Variants in SLC4A5 observed in about 807,000 individuals in gnomAD.
The protein encoded by SLC4A5 is electrogenic sodium bicarbonate cotransporter 4.
Under a neutral mutation model 120.4 loss-of-function variants are expected in SLC4A5, and 96 were observed. The observed-to-expected ratio is 0.80, with a 90% confidence interval of 0.68 to 0.94. The LOEUF (loss-of-function observed/expected upper bound fraction) is 0.94, where lower values mean the gene tolerates loss of function less well. Ranked by LOEUF, SLC4A5 falls within the 40% of genes least tolerant of loss-of-function variation. The probability of loss-of-function intolerance (pLI) is 0.00; values close to 1 mark genes in which losing one functional copy is unlikely to be tolerated. For synonymous variants in SLC4A5, 550 were observed against 571.1 expected (o/e 0.96, Z 0.53); for missense variants, 1,259 against 1,459.5 (o/e 0.86, Z 2.24).
At chr2:74,317,760 AG>A (rs756329331) in intron 5 of SLC4A5, among the ~76,000 whole-genome samples, 26 of 152,256 alleles carry the variant, frequency 1.7e-4, no homozygotes, top group Admixed American at 6.5e-4. Flanking sequence ...TAGGCCCTCC[AG>A]GCAGGACATT....
chr2:74,310,263 C>T (rs1672765673), intron 6 of SLC4A5, among the ~76,000 whole-genome samples: 1 of 152,104 alleles, frequency 6.6e-6, no homozygotes, highest in South Asian at 2.1e-4. Context: ...TGTTTTATTT[C>T]TTCTTTCCCA....
Position 74,305,872 on chromosome 2 carries a change from G to A in SLC4A5, c.80-1192C>T, listed in dbSNP as rs371157936. On this transcript the variant is annotated intron_variant, in intron 6 of 30. Coordinates refer to ENST00000394019, the Ensembl canonical transcript of SLC4A5. ...CCCAAGTAGCTGGGATTACAGGCAC[G>A]CACCACCATGCCTGGCTAATTTTTT... 1.4e-3 allele frequency among the ~76,000 whole-genome samples: 211 copies of A among 151,920 alleles called. 2 individuals carry two copies. The highest frequency in any genetic ancestry group is 4.9e-3 in the African/African-American group (201 of 41,416).
intron 14 of SLC4A5, among the ~76,000 whole-genome samples, chr2:74,253,582 A>T (rs912906207): frequency 6.6e-6 from 1 of 152,084 alleles, no homozygotes; most frequent in Non-Finnish European, 1.5e-5. Flanking sequence ...GACTATGCTC[A>T]CATTTAACCC....
intron 12 of SLC4A5, among the ~76,000 whole-genome samples, chr2:74,256,869 G>T (rs530658331): frequency 1.3e-5 from 2 of 152,256 alleles, no homozygotes; most frequent in Non-Finnish European, 2.9e-5. Context: ...TTGGGGTAGC[G>T]GCAGGACTGG....
intron 8 of SLC4A5, among the ~76,000 whole-genome samples, chr2:74,281,062 A>G (rs1671798630): frequency 6.6e-6 from 1 of 152,222 alleles, no homozygotes; most frequent in African/African-American, 2.4e-5. Flanking sequence ...ATGGAGTGAG[A>G]GCATCCCTGC....
rs1431623491 is a variant in SLC4A5 at position 74,244,466 on chromosome 2, TTC to T, written c.2060-2416_2060-2415del. On this transcript the variant is annotated intron_variant, in intron 19 of 30. Coordinates refer to ENST00000394019, the Ensembl canonical transcript of SLC4A5. ...CTTTCTTTTCTTTCCTTCCTTTTCT[TTC>T]TCTTTCTTTCTTCTCCTTTCTCTCT... 1.2e-4 allele frequency among the ~76,000 whole-genome samples: 8 copies of T among 69,436 alleles called. No homozygotes were observed. The East Asian group carries it at 1.4e-3, about 12-fold the overall frequency. 45.6% of individuals were successfully genotyped at this position (69,436 alleles called of 152,430 possible). A position where few individuals can be genotyped will look rare whatever the true frequency, so the allele number is the denominator to read the frequency against.
intron 25 of SLC4A5, among the ~76,000 whole-genome samples, chr2:74,230,899 C>A (rs370336052): frequency 4.6e-5 from 7 of 152,132 alleles, no homozygotes; most frequent in East Asian, 1.9e-4. Flanking sequence ...CTCCACCTCC[C>A]GGGTTCAAGC....
chr2:74,262,061 C>T lies in SLC4A5; in HGVS notation c.811+76G>A, dbSNP rs547259311. ...CAGATCCTGGGCTTTGTCTCCCCCA[C>T]CTATGGCAATGTGGCCATGTCACAG... is the stretch of plus-strand genomic sequence containing the variant. On this transcript the variant is annotated intron_variant, in intron 11 of 30. Coordinates refer to ENST00000394019, the Ensembl canonical transcript of SLC4A5. 3.7e-5 allele frequency: 50 copies of T among 1,363,916 alleles called. No homozygotes were observed. The East Asian group carries it at 9.3e-4, about 25-fold the overall frequency. The allele number at this position is 1,363,916 out of a possible 1,614,324, so 84.5% of individuals were successfully genotyped here. A position where few individuals can be genotyped will look rare whatever the true frequency, so the allele number is the denominator to read the frequency against.
intron 14 of SLC4A5, among the ~76,000 whole-genome samples, 165 bp downstream of exon 14, chr2:74,254,454 G>T (rs930088047): frequency 9.9e-5 from 15 of 152,184 alleles, no homozygotes; most frequent in African/African-American, 3.4e-4. Flanking sequence ...TTCTCCTAAA[G>T]GACAATGACT....
At chr2:74,327,003 C>A (rs1017204967) in intron 5 of SLC4A5, among the ~76,000 whole-genome samples, 1 of 152,172 alleles carries the variant, frequency 6.6e-6, no homozygotes, top group Non-Finnish European at 1.5e-5. Context: ...TAGGTGCCCA[C>A]CCCTTCCCTA....
Position 74,334,763 on chromosome 2 carries a change from GA to G in SLC4A5, c.-220-587del, listed in dbSNP as rs200477728. Among the ~76,000 whole-genome samples the G allele has an allele frequency of 6.0e-5, 9 of 150,676 alleles. No individual in the cohort carries two copies. In the East Asian group the frequency reaches 1.2e-3, roughly 19 times the overall value. On this transcript the variant is annotated intron_variant, in intron 3 of 30. Coordinates refer to ENST00000394019, the Ensembl canonical transcript of SLC4A5. ...TTTTTTCACTGCAATTTCCTCAACT[GA>G]AAAAAAATGCGAATAATAATTATAT...
intron 7 of SLC4A5, among the ~76,000 whole-genome samples, chr2:74,303,270 TGTAGAGGG>T (rs1251592754): frequency 1.3e-5 from 2 of 152,102 alleles, no homozygotes; most frequent in Non-Finnish European, 1.5e-5. Flanking sequence ...TGATGGGGGT[TGTAGAGGG>T]CTCTGCAGGG....
At chr2:74,330,868 A>AGAT (rs112214057) in intron 4 of SLC4A5, among the ~76,000 whole-genome samples, 1 of 14,822 alleles carries the variant, frequency 6.7e-5, no homozygotes, top group Non-Finnish European at 1.2e-4. Context: ...GGTGAGGTAT[A>AGAT]GGAGGTGGTG....
intron 7 of SLC4A5, chr2:74,290,272 G>A (rs1672116168): frequency 1.0e-6 from 1 of 985,452 alleles, no homozygotes; most frequent in Non-Finnish European, 1.2e-6. Context: ...GAGCGCTGGG[G>A]TCCCTGGCTG....
At chr2:74,340,420 G>A (rs980407058) in intron 2 of SLC4A5, among the ~76,000 whole-genome samples, 3 of 152,156 alleles carry the variant, frequency 2.0e-5, no homozygotes, top group African/African-American at 7.2e-5. Context: ...GGGGGTTCAT[G>A]TTACTGAGCA....
chr2:74,328,503 T>C (rs1673272056), intron 4 of SLC4A5, among the ~76,000 whole-genome samples: 1 of 152,244 alleles, frequency 6.6e-6, no homozygotes, highest in Non-Finnish European at 1.5e-5. Context: ...CTGCATAGTT[T>C]TTAACCCAGA....
At chr2:74,221,619 G>T in intron 29 of SLC4A5, 118 bp from the exon 30 acceptor site, 1 of 986,234 alleles carries the variant, frequency 1.0e-6, no homozygotes, top group Non-Finnish European at 1.6e-6. Flanking sequence ...CACTATGCAA[G>T]AGGAATACGG....
At chr2:74,311,380 T>C (rs534842230) in intron 6 of SLC4A5, among the ~76,000 whole-genome samples, 196 of 152,296 alleles carry the variant, frequency 1.3e-3, no homozygotes, top group Non-Finnish European at 2.2e-3. Context: ...TTTCCTAATA[T>C]GGGAGCTTAG....
intron 7 of SLC4A5, among the ~76,000 whole-genome samples, chr2:74,298,471 A>G (rs1672392162): frequency 6.6e-6 from 1 of 152,236 alleles, no homozygotes; most frequent in Admixed American, 6.5e-5. Context: ...TAAAAGTGCT[A>G]AAGGAAAACA....
Sources: gnomAD v4.1 joint callset for allele counts (sites outside exome capture counted in the v4.1 genomes callset) on GRCh38, gnomAD v4.1.1 for gene constraint, MANE v1.5 for transcripts, NCBI Gene and HGNC (gene_info 2026-07-23, HGNC 2026-07-21) for gene names.